Variants in THRB observed in about 807,000 individuals in gnomAD.
THRB encodes nuclear receptor subfamily 1 group A member 2.
THRB carries 12 observed loss-of-function variants against 47.8 expected under a neutral mutation model. The observed-to-expected ratio is 0.25, with a 90% CI of 0.16 to 0.41. THRB has a LOEUF of 0.41. THRB is among the 10% of genes least tolerant of loss of function. THRB has a pLI of 1.00. For synonymous variants in THRB, 218 were observed against 212.2 expected, an observed-to-expected ratio of 1.03 and a Z score of -0.24; for missense variants, 348 against 589.2, an observed-to-expected ratio of 0.59 and a Z score of 4.24.
intron 1 of THRB, among the ~76,000 whole-genome samples, chr3:24,464,162 C>G (rs553068352): frequency 6.6e-6 from 1 of 151,114 alleles, no homozygotes; most frequent in Non-Finnish European, 1.5e-5. Context: ...AGGAGAATGG[C>G]GTGAACCCGG....
chr3:24,219,188 G>C (rs1455874823), intron 4 of THRB, among the ~76,000 whole-genome samples: 1 of 152,148 alleles, frequency 6.6e-6, no homozygotes, highest in Non-Finnish European at 1.5e-5. Flanking sequence ...AAGATGGGAG[G>C]ATTAACTGAG....
intron 2 of THRB, among the ~76,000 whole-genome samples, chr3:24,317,336 T>C (rs533680843): frequency 6.6e-6 from 1 of 152,274 alleles, no homozygotes; most frequent in South Asian, 2.1e-4. Context: ...AAGAGGTGCA[T>C]GCTACCTGAG....
intron 1 of THRB, among the ~76,000 whole-genome samples, chr3:24,417,323 A>T (rs1452367041): frequency 6.6e-6 from 1 of 151,916 alleles, no homozygotes; most frequent in African/African-American, 2.4e-5. Flanking sequence ...GTGCCACAAT[A>T]CACTGTTCCT....
chr3:24,159,500 G>A (rs1000508487), intron 5 of THRB, among the ~76,000 whole-genome samples: 3 of 152,170 alleles, frequency 2.0e-5, no homozygotes, highest in African/African-American at 4.8e-5. Context: ...AGGTTCAGGT[G>A]TACTCCATTT....
intron 4 of THRB, among the ~76,000 whole-genome samples, chr3:24,192,331 G>A (rs1012877267): frequency 1.3e-5 from 2 of 152,062 alleles, no homozygotes; most frequent in African/African-American, 4.8e-5. Flanking sequence ...TAATGAGATT[G>A]ATTTTATTTC....
At chr3:24,284,010 G>T (rs1233300370) in intron 3 of THRB, among the ~76,000 whole-genome samples, 1 of 128,696 alleles carries the variant, frequency 7.8e-6, no homozygotes, top group Non-Finnish European at 1.7e-5. Context: ...ACTGCCCAAG[G>T]TAATTTACAG....
At chr3:24,450,330 G>C (rs2072527541) in intron 1 of THRB, among the ~76,000 whole-genome samples, 1 of 152,140 alleles carries the variant, frequency 6.6e-6, no homozygotes, top group Admixed American at 6.5e-5. Flanking sequence ...ATTTACAGTA[G>C]ACCTCACATT....
In THRB at chr3:24,181,941, C is replaced by G. The variant is rs543840228; in HGVS notation, c.283+8133G>C. Among the ~76,000 whole-genome samples, 17 of 152,272 alleles carry G rather than the reference C, an allele frequency of 1.1e-4. No homozygotes were observed. In the East Asian group the frequency reaches 3.1e-3, roughly 28 times the overall value. ...GTGGGGCCAGGTGCGGTGGCTCGTG[C>G]CTGTAATCCCAGCACTTTGGGAGGC... is the stretch of plus-strand genomic sequence containing the variant. On this transcript the variant is annotated intron_variant, in intron 5 of 10. Coordinates refer to ENST00000646209, the MANE Select transcript of THRB (RefSeq NM_001354712.2).
At chr3:24,489,024 G>C (rs898629854) in intron 1 of THRB, among the ~76,000 whole-genome samples, 1 of 152,134 alleles carries the variant, frequency 6.6e-6, no homozygotes, top group African/African-American at 2.4e-5. Flanking sequence ...GGGAGGCTGA[G>C]GTGGGCAGAT....
intron 2 of THRB, among the ~76,000 whole-genome samples, chr3:24,318,703 A>G (rs549961387): frequency 3.9e-5 from 6 of 152,208 alleles, no homozygotes; most frequent in Non-Finnish European, 7.3e-5. Flanking sequence ...AACAGACAGG[A>G]TTCCCTGTGT....
chr3:24,374,550 T>C (rs1454949333), intron 1 of THRB, among the ~76,000 whole-genome samples: 1 of 152,148 alleles, frequency 6.6e-6, no homozygotes, highest in African/African-American at 2.4e-5. Flanking sequence ...GATACTATTA[T>C]TTAAAATGCA....
At chr3:24,300,575 A>C (rs1027682752) in intron 2 of THRB, among the ~76,000 whole-genome samples, 1 of 152,164 alleles carries the variant, frequency 6.6e-6, no homozygotes, top group African/African-American at 2.4e-5. Context: ...GCTGGGTCAT[A>C]TATGATATCT....
At chr3:24,464,908 G>A (rs1363798607) in intron 1 of THRB, among the ~76,000 whole-genome samples, 2 of 152,066 alleles carry the variant, frequency 1.3e-5, no homozygotes, top group African/African-American at 4.8e-5. Context: ...TGTTATAGTA[G>A]TTAAGTTCTG....
intron 2 of THRB, among the ~76,000 whole-genome samples, chr3:24,327,181 G>A (rs1301325740): frequency 1.3e-5 from 2 of 152,022 alleles, no homozygotes; most frequent in African/African-American, 2.4e-5. Flanking sequence ...GAATAAAATC[G>A]GTAATTAGAC....
chr3:24,170,868 A>AAAAT (rs2040342002), intron 5 of THRB, among the ~76,000 whole-genome samples: 1 of 152,208 alleles, frequency 6.6e-6, no homozygotes, highest in African/African-American at 2.4e-5. Context: ...TTAAAAAAAA[A>AAAAT]AAAGATAAAA....
chr3:24,160,140 G>A (rs994636195), intron 5 of THRB, among the ~76,000 whole-genome samples: 1 of 152,136 alleles, frequency 6.6e-6, no homozygotes, highest in Non-Finnish European at 1.5e-5. Context: ...GCTGGCAGTG[G>A]GTGACAGCTG....
At chr3:24,139,549 T>C (rs2148962134) in intron 8 of THRB, among the ~76,000 whole-genome samples, 1 of 152,248 alleles carries the variant, frequency 6.6e-6, no homozygotes. Context: ...CAAGCCTGGC[T>C]AAATTTGTTT....
chr3:24,203,780 C>T (rs1201601260), intron 4 of THRB, among the ~76,000 whole-genome samples: 7 of 152,228 alleles, frequency 4.6e-5, no homozygotes, highest in African/African-American at 1.4e-4. Context: ...TGACAGACGG[C>T]ACCTGGAAAA....
At chr3:24,291,481 T>A (rs113505467) in intron 3 of THRB, among the ~76,000 whole-genome samples, 20,377 of 152,132 alleles carry the variant, frequency 0.13, 1,392 homozygotes, top group South Asian at 0.21. Flanking sequence ...TCAAGTCCCT[T>A]ATACAAAAGG....
Sources: gnomAD v4.1 joint callset for allele counts (sites outside exome capture counted in the v4.1 genomes callset) on GRCh38, gnomAD v4.1.1 for gene constraint, MANE v1.5 for transcripts, NCBI Gene and HGNC (gene_info 2026-07-23, HGNC 2026-07-21) for gene names.